The following LHFPL6 variants were observed in gnomAD, a reference collection of about 807,000 sequenced individuals.
The protein encoded by LHFPL6 is LHFPL tetraspan subfamily member 6 protein.
In LHFPL6, 9 loss-of-function variants were observed where a neutral mutation model predicts 20.6. That is an observed-to-expected ratio of 0.44 (90% CI 0.26 to 0.76). LHFPL6 has a LOEUF of 0.76. Ranked by LOEUF, LHFPL6 falls within the 30% of genes least tolerant of loss-of-function variation. The pLI, the probability that LHFPL6 is intolerant of heterozygous loss-of-function variation, is 0.20. For synonymous variants in LHFPL6, 105 were observed against 98.7 expected, an observed-to-expected ratio of 1.06 and a Z score of -0.38; for missense variants, 218 against 253.5, an observed-to-expected ratio of 0.86 and a Z score of 0.95.
intron 3 of LHFPL6, among the ~76,000 whole-genome samples, chr13:39,345,065 A>G (rs1231754865): frequency 2.0e-5 from 3 of 152,180 alleles, no homozygotes; most frequent in Admixed American, 2.0e-4. Flanking sequence ...CTTCAATTCT[A>G]ATTCATTTTT....
intron 2 of LHFPL6, among the ~76,000 whole-genome samples, chr13:39,537,464 G>A (rs1055391899): frequency 2.0e-5 from 3 of 152,116 alleles, no homozygotes; most frequent in African/African-American, 7.2e-5. Flanking sequence ...TTCATGCCAG[G>A]GAAGTAGACT....
intron 2 of LHFPL6, among the ~76,000 whole-genome samples, chr13:39,530,032 C>T (rs1870414668): frequency 6.6e-6 from 1 of 152,082 alleles, no homozygotes; most frequent in Admixed American, 6.6e-5. Context: ...ATGCATTGTG[C>T]ATAGTAGGTA....
chr13:39,376,073 A>C (rs1403286576), intron 3 of LHFPL6, among the ~76,000 whole-genome samples: 1 of 152,206 alleles, frequency 6.6e-6, no homozygotes, highest in African/African-American at 2.4e-5. Context: ...TTTATTCCAC[A>C]ATGCTGGGGA....
chr13:39,459,194 ATGTGTGTGTGTGTGTGTGTGTG>A (rs58955444), intron 2 of LHFPL6, among the ~76,000 whole-genome samples: 1 of 135,982 alleles, frequency 7.4e-6, no homozygotes, highest in Non-Finnish European at 1.6e-5. Context: ...AAGTTCCTTA[ATGTGTGTGTGTGTGTGTGTGTG>A]TGTGTGTGTG....
rs117070913 is a variant in LHFPL6 at position 39,350,033 on chromosome 13, G to A, written c.485-5979C>T. On this transcript the variant is annotated intron_variant, in intron 3 of 3. Transcript: ENST00000379589. ...GGGTAGGAATATGAGGTATTTAACA[G>A]TCACAAATAAATCTTAAGCTCCTGC... Among the ~76,000 whole-genome samples the A allele has an allele frequency of 2.0e-4, 31 of 152,278 alleles. No homozygotes were observed. The East Asian group carries it at 6.0e-3, about 29-fold the overall frequency.
At chr13:39,471,600 C>T (rs538079098) in intron 2 of LHFPL6, among the ~76,000 whole-genome samples, 1 of 152,136 alleles carries the variant, frequency 6.6e-6, no homozygotes, top group Non-Finnish European at 1.5e-5. Flanking sequence ...TTTCTGAACC[C>T]CCACATACTG....
chr13:39,491,787 A>AAT lies in LHFPL6; in HGVS notation c.385+109043_385+109044dup, dbSNP rs572812069. Among the ~76,000 whole-genome samples the AAT allele has an allele frequency of 3.5e-4, 53 of 152,318 alleles. No homozygotes were observed. The South Asian group carries it at 0.01, about 30-fold the overall frequency. ...TATGGCTAGTTCAACAGAGAAAGTA[A>AAT]ATTTTTAATTTTATTTAACTTTGAT... On this transcript the variant is annotated intron_variant, in intron 2 of 3. Transcript: ENST00000379589.
intron 2 of LHFPL6, among the ~76,000 whole-genome samples, chr13:39,562,569 CATACATATATACACATAT>C (rs1290760665): frequency 3.2e-5 from 3 of 93,050 alleles, no homozygotes; most frequent in Admixed American, 2.1e-4. Flanking sequence ...TACATATACA[CATACATATATACACATAT>C]ATACATATAT....
At chr13:39,408,108 A>C (rs1375623703) in intron 2 of LHFPL6, among the ~76,000 whole-genome samples, 1 of 152,190 alleles carries the variant, frequency 6.6e-6, no homozygotes, top group African/African-American at 2.4e-5. Context: ...ATACAGTGGA[A>C]ATAAAATAAG....
intron 3 of LHFPL6, among the ~76,000 whole-genome samples, chr13:39,367,482 T>A (rs1870042709): frequency 6.6e-6 from 1 of 152,242 alleles, no homozygotes; most frequent in Non-Finnish European, 1.5e-5. Flanking sequence ...CGTTTCTGTA[T>A]AATATCCCTT....
At chr13:39,594,212 A>G (rs912036363) in intron 2 of LHFPL6, among the ~76,000 whole-genome samples, 5 of 152,156 alleles carry the variant, frequency 3.3e-5, no homozygotes, top group East Asian at 1.9e-4. Flanking sequence ...TTCGCAACCT[A>G]CTCATCTGAC....
intron 2 of LHFPL6, among the ~76,000 whole-genome samples, chr13:39,569,345 G>A (rs922661880): frequency 6.6e-6 from 1 of 152,188 alleles, no homozygotes; most frequent in African/African-American, 2.4e-5. Flanking sequence ...AGCAATTAAT[G>A]ATGACAAGGA....
At chr13:39,551,961 A>T (rs945220301) in intron 2 of LHFPL6, among the ~76,000 whole-genome samples, 4 of 152,344 alleles carry the variant, frequency 2.6e-5, no homozygotes, top group African/African-American at 9.6e-5. Flanking sequence ...TCGACTGAAT[A>T]ATGACTCAGA....
chr13:39,450,050 A>T, intron 2 of LHFPL6, among the ~76,000 whole-genome samples: 1 of 152,208 alleles, frequency 6.6e-6, no homozygotes, highest in Non-Finnish European at 1.5e-5. Flanking sequence ...CTTGGAGGAG[A>T]AACTCATACA....
chr13:39,423,605 C>T (rs1871553004), intron 2 of LHFPL6, among the ~76,000 whole-genome samples: 1 of 151,904 alleles, frequency 6.6e-6, no homozygotes, highest in African/African-American at 2.4e-5. Context: ...TCTCAGGGAA[C>T]ATAATGCAAA....
intron 2 of LHFPL6, among the ~76,000 whole-genome samples, chr13:39,489,755 A>G (rs1247718897): frequency 6.6e-6 from 1 of 151,958 alleles, no homozygotes; most frequent in Non-Finnish European, 1.5e-5. Context: ...GTGTTTCACT[A>G]TGTTGCCCAG....
intron 2 of LHFPL6, among the ~76,000 whole-genome samples, chr13:39,511,249 T>C (rs538697525): frequency 6.6e-6 from 1 of 152,348 alleles, no homozygotes; most frequent in Non-Finnish European, 1.5e-5. Flanking sequence ...TACTTCTGTA[T>C]CCACTTTCCA....
At chr13:39,479,040 TAG>T (rs1284617993) in intron 2 of LHFPL6, among the ~76,000 whole-genome samples, 1 of 127,944 alleles carries the variant, frequency 7.8e-6, no homozygotes, top group African/African-American at 2.8e-5. Flanking sequence ...TAGATATAGA[TAG>T]ATAGATAGAT....
At chr13:39,431,195 C>A (rs1231406344) in intron 2 of LHFPL6, among the ~76,000 whole-genome samples, 2 of 152,192 alleles carry the variant, frequency 1.3e-5, no homozygotes, top group Non-Finnish European at 2.9e-5. Flanking sequence ...ATCTGAACAT[C>A]TGAAGGAACA....
Sources: allele counts gnomAD v4.1 joint callset (sites outside exome capture counted in the v4.1 genomes callset), GRCh38; gene constraint gnomAD v4.1.1; transcripts MANE v1.5; gene names NCBI Gene and HGNC (gene_info 2026-07-23, HGNC 2026-07-21).